Variants in SMTN observed in about 807,000 individuals in gnomAD.
SMTN encodes the protein smoothelin.
In SMTN, 58 loss-of-function variants were observed where a neutral mutation model predicts 102.0. The observed-to-expected ratio is 0.57, with a 90% confidence interval of 0.46 to 0.71. SMTN has a LOEUF of 0.71. SMTN is among the 30% of genes least tolerant of loss of function. SMTN has a pLI of 0.00. For synonymous variants in SMTN, 478 were observed against 497.9 expected (o/e 0.96, Z 0.53); for missense variants, 1,185 against 1,241.7 (o/e 0.95, Z 0.69).
intron 16 of SMTN, 119 bp from the exon 17 acceptor site, chr22:31,098,548 G>A (rs931774322): frequency 4.3e-6 from 4 of 937,494 alleles, no homozygotes; most frequent in African/African-American, 3.4e-5. Context: ...CCTGGCAGGC[G>A]TTTGTGGCAG....
At chr22:31,073,484 T>C (rs2042056985) in intron 1 of SMTN, among the ~76,000 whole-genome samples, 1 of 152,202 alleles carries the variant, frequency 6.6e-6, no homozygotes, top group Admixed American at 6.5e-5. Context: ...TTTGATTTTC[T>C]GATTCCCTTT....
chr22:31,079,298 G>A (rs936399108), upstream of SMTN, among the ~76,000 whole-genome samples: 8 of 152,334 alleles, frequency 5.3e-5, no homozygotes, highest in East Asian at 3.9e-4. Context: ...AGAGGCAGGC[G>A]GGTATGTCTG....
intron 11 of SMTN, chr22:31,093,789 C>A (rs573795680): frequency 6.3e-6 from 10 of 1,593,648 alleles, no homozygotes; most frequent in Non-Finnish European, 8.5e-6. Context: ...TTCAGGCTGC[C>A]GAGGATGCCG....
At chr22:31,071,704 T>G (rs1289952854) in intron 1 of SMTN, among the ~76,000 whole-genome samples, 1 of 151,262 alleles carries the variant, frequency 6.6e-6, no homozygotes, top group Non-Finnish European at 1.5e-5. Context: ...CTCTTTTTTT[T>G]TTTTTTTTGG....
intron 1 of SMTN, chr22:31,065,061 C>T (rs1340758130): frequency 6.6e-6 from 1 of 152,080 alleles, no homozygotes; most frequent in Non-Finnish European, 1.5e-5. Flanking sequence ...GAATATCCCT[C>T]AATTTGAATG....
chr22:31,095,059 AT>A lies in SMTN; in HGVS notation c.1633-242del, dbSNP rs1235794964. On this transcript the variant is annotated intron_variant, in intron 11 of 20. Coordinates refer to ENST00000333137, the MANE Select transcript of SMTN (RefSeq NM_134269.3). This position sits in a 1 kb window ranked among gnomAD's most constrained non-coding sequence, Gnocchi z 4.1. ...CACTTACTATGGACTGGAAATCATC[AT>A]TATTATCACTATCCATTGTATTAAT... Among the ~76,000 whole-genome samples the A allele has an allele frequency of 6.6e-6, 1 of 152,102 alleles. No individual in the cohort carries two copies. The highest frequency in any genetic ancestry group is 6.5e-5 in the Admixed American group (1 of 15,274).
chr22:31,070,673 C>T (rs537083370), intron 1 of SMTN, among the ~76,000 whole-genome samples: 74 of 152,114 alleles, frequency 4.9e-4, no homozygotes, highest in African/African-American at 1.7e-3. Flanking sequence ...CCTGTAATCC[C>T]AGCACTTTGG....
Position 31,089,939 on chromosome 22 carries a change from C to G in SMTN, c.712C>G (p.Pro238Ala), listed in dbSNP as rs1465286713. The G allele has an allele frequency of 6.2e-7, 1 of 1,601,258 alleles. No individual in the cohort carries two copies. The highest frequency in any genetic ancestry group is 8.5e-7 in the Non-Finnish European group (1 of 1,173,964). ...AEVPGSPEPP[P>A]SPPKTTSPEP... ...GGTTCCAGGCAGCCCAGAGCCACCC[C>G]CCAGCCCACCCAAGACCACCAGCCC... Residue 238 changes from proline to alanine, a missense_variant, in exon 7 of 21, where the codon CCC (proline) becomes GCC (alanine). By Grantham distance (27) the Pro-to-Ala change is conservative. Transcript: ENST00000333137.
chr22:31,098,206 A>C (rs2043753987), intron 16 of SMTN, among the ~76,000 whole-genome samples: 1 of 152,198 alleles, frequency 6.6e-6, no homozygotes, highest in Non-Finnish European at 1.5e-5. Context: ...CGTCCTCTGA[A>C]ATCTTAGGCA....
At chr22:31,072,049 A>C (rs2042016417) in intron 1 of SMTN, among the ~76,000 whole-genome samples, 1 of 152,202 alleles carries the variant, frequency 6.6e-6, no homozygotes, top group South Asian at 2.1e-4. Context: ...CAAGAGATAG[A>C]GGGAAGGGAT....
chr22:31,098,890 G>T, intron 17 of SMTN, 50 bp downstream of exon 17: 1 of 1,553,694 alleles, frequency 6.4e-7, no homozygotes. Context: ...GTGATAGGCA[G>T]TGGGGGGCGG....
upstream of SMTN, among the ~76,000 whole-genome samples, chr22:31,081,112 G>T (rs556237511): frequency 6.6e-6 from 1 of 152,010 alleles, no homozygotes; most frequent in African/African-American, 2.4e-5. Flanking sequence ...ACTCGCTAAA[G>T]CCACCGAGGC....
chr22:31,098,659 AC>A lies in SMTN; in HGVS notation c.2160-4del. ...TCCCTGCCTAACATGCGCCTCCCCA[AC>A]CCCTAGCATCTTCGACCGCGAGGAC... On this transcript the variant is annotated splice_polypyrimidine_tract_variant and splice_region_variant and intron_variant, in intron 16 of 20. Transcript: ENST00000333137. 6.2e-7 allele frequency: 1 copy of A among 1,612,364 alleles called. No individual in the cohort carries two copies. The highest frequency in any genetic ancestry group is 8.5e-7 in the Non-Finnish European group (1 of 1,179,416).
chr22:31,071,239 CA>C lies in SMTN; in HGVS notation c.-386+7068del, dbSNP rs60870558. On this transcript the variant is annotated intron_variant, in intron 1 of 3. Transcript: ENST00000422839. ...TGTGCAACAGAGCTACACCCTGTCTCAAAAAAAAAAAAAAAAGCAATAATGG... is the reference window on the plus strand; with the variant it reads ...TGTGCAACAGAGCTACACCCTGTCTCAAAAAAAAAAAAAAAGCAATAATGG... Among the ~76,000 whole-genome samples the C allele has an allele frequency of 5.6e-3, 648 of 115,410 alleles. 1 individual carries two copies. Among genetic ancestry groups the C allele is most frequent in the South Asian group, 0.029 (101 of 3,428 alleles). The allele number at this position is 115,410 out of a possible 152,430, so 75.7% of individuals were successfully genotyped here. A position where few individuals can be genotyped will look rare whatever the true frequency, so the allele number is the denominator to read the frequency against.
At chr22:31,074,997 A>G (rs993761646) in intron 1 of SMTN, among the ~76,000 whole-genome samples, 4 of 152,144 alleles carry the variant, frequency 2.6e-5, no homozygotes, top group African/African-American at 7.2e-5. Context: ...CAAACCCCCA[A>G]TTTACAGAGG....
chr22:31,100,043 C>A, intron 19 of SMTN, 147 bp downstream of exon 19: 1 of 770,128 alleles, frequency 1.3e-6, no homozygotes. Flanking sequence ...GAGTCCCCGT[C>A]CTTCTCCATC....
chr22:31,088,090 G>A lies in SMTN; in HGVS notation c.177G>A (p.Gln59=). ...LASKRFRAER[Q]DNKENWLHSQ... Reference sequence around the variant, plus strand: ...CCAAGCGTTTCCGTGCCGAGCGGCAGGACAACAAGGAGAACTGGCTGCAGT... The same window carrying A: ...CCAAGCGTTTCCGTGCCGAGCGGCAAGACAACAAGGAGAACTGGCTGCAGT... Residue 59 remains glutamine (Q), a synonymous_variant, in exon 3 of 21, where the codon CAG becomes CAA. Transcript: ENST00000333137. 1 of 1,606,182 alleles carries A rather than the reference G, an allele frequency of 6.2e-7. No individual in the cohort carries two copies. The highest frequency in any genetic ancestry group is 8.5e-7 in the Non-Finnish European group (1 of 1,174,778).
upstream of SMTN, among the ~76,000 whole-genome samples, chr22:31,081,157 T>G (rs933911098): frequency 6.7e-6 from 1 of 150,260 alleles, no homozygotes; most frequent in African/African-American, 2.5e-5. Flanking sequence ...CCGACCTCCC[T>G]GGCCCGCGAG....
chr22:31,088,944 C>G lies in SMTN; in HGVS notation c.446C>G (p.Ala149Gly), dbSNP rs188312885. 1 of 1,613,714 alleles carries G rather than the reference C, an allele frequency of 6.2e-7. No individual in the cohort carries two copies. The highest frequency in any genetic ancestry group is 8.5e-7 in the Non-Finnish European group (1 of 1,179,962). The change falls in exon 6 of 21, where the codon GCG becomes GGG. Residue 149 changes from alanine (A) to glycine (G), a missense_variant. Around this residue, in one of 2 missense-constraint regions of SMTN, gnomAD observed 1,096 missense variants for 1,112.7 expected, o/e 0.98. Coordinates refer to ENST00000333137, the MANE Select transcript of SMTN (RefSeq NM_134269.3). ...TCAAGAGAGGACAGCAAGGGGCTAG[C>G]GGCACACAGGCTGGAACAGTGTGAG... ...SGSREDSKGL[A>G]AHRLEQCEVP...
Sources: allele counts gnomAD v4.1 joint callset (sites outside exome capture counted in the v4.1 genomes callset), GRCh38; gene constraint gnomAD v4.1.1; regional missense constraint gnomAD v4.1.1; non-coding constraint Gnocchi (gnomAD v3.1); transcripts MANE v1.5; gene names NCBI Gene and HGNC (gene_info 2026-07-23, HGNC 2026-07-21).